The following LRP8 variants were observed in gnomAD, a reference collection of about 807,000 sequenced individuals.
LRP8 encodes low-density lipoprotein receptor-related protein 8.
A neutral mutation model predicts 111.6 loss-of-function variants in LRP8; 46 were observed. That is an observed-to-expected ratio of 0.41 (90% CI 0.33 to 0.53). The LOEUF (loss-of-function observed/expected upper bound fraction) is 0.53, where lower values mean the gene tolerates loss of function less well. Among genes scored for constraint, LRP8 ranks in the 20% least tolerant of loss-of-function variants. LRP8 has a pLI of 0.20. For synonymous variants in LRP8, 464 were observed against 511.2 expected, an observed-to-expected ratio of 0.91 and a Z score of 1.24; for missense variants, 959 against 1,297.4, an observed-to-expected ratio of 0.74 and a Z score of 4.01.
intron 12 of LRP8, 96 bp downstream of exon 12, chr1:53,261,972 T>G (rs1460959055): frequency 1.4e-6 from 2 of 1,418,706 alleles, no homozygotes; most frequent in Non-Finnish European, 1.9e-6. Flanking sequence ...GTTCCTGTTT[T>G]CATTTGAACA....
At position 53,327,835 on chromosome 1, in the gene LRP8, G is replaced by GAGCCGC. The variant is rs1553199822; in HGVS notation, c.77_78insGCGGCT (p.Leu26_Gln27insArgLeu). 55 of 1,511,370 alleles carry GAGCCGC rather than the reference G, an allele frequency of 3.6e-5. No homozygotes were observed. Among genetic ancestry groups the GAGCCGC allele is most frequent in the African/African-American group, 7.2e-5 (5 of 69,810 alleles). 93.6% of individuals were successfully genotyped at this position (1,511,370 alleles called of 1,614,324 possible). A position where few individuals can be genotyped will look rare whatever the true frequency, so the allele number is the denominator to read the frequency against. ...CAGCCGCTGCCGCCGCAAGATGCTGGAGCTGCAGCAGCAGCAGCAGCAGCA... is the reference window on the plus strand; with the variant it reads ...CAGCCGCTGCCGCCGCAAGATGCTGGAGCCGCAGCTGCAGCAGCAGCAGCAGCAGCA... On this transcript the variant is annotated inframe_insertion, in exon 1 of 19. Coordinates refer to ENST00000306052, the MANE Select transcript of LRP8 (RefSeq NM_004631.5).
chr1:53,265,123 C>T (rs920826017), intron 9 of LRP8, among the ~76,000 whole-genome samples: 11 of 152,070 alleles, frequency 7.2e-5, no homozygotes, highest in African/African-American at 2.2e-4. Flanking sequence ...GAAGAATGAC[C>T]GTGCCAGTGA....
intron 8 of LRP8, chr1:53,268,320 G>A (rs758308777): frequency 6.6e-6 from 1 of 152,138 alleles, no homozygotes; most frequent in Non-Finnish European, 1.5e-5. Context: ...TTTATGATTT[G>A]AGATTTTATG....
Position 53,276,832 on chromosome 1 carries a change from G to T in LRP8, c.743C>A (p.Pro248Gln), listed in dbSNP as rs1403860083. ...SDEAAELCGR[P>Q]GPGATSAPAA... ...GGGCGCGGACGTGGCCCCGGGGCCCGGACGGCCGCAGAGCTCGGCTGCCTC... is the reference window on the plus strand; with the variant it reads ...GGGCGCGGACGTGGCCCCGGGGCCCTGACGGCCGCAGAGCTCGGCTGCCTC... The change falls in exon 5 of 19, where the codon CCG (proline) becomes CAG (glutamine). Residue 248 changes from proline (P) to glutamine (Q), a missense_variant. Transcript: ENST00000306052. 3.1e-6 allele frequency: 4 copies of T among 1,274,078 alleles called. No homozygotes were observed. The highest frequency in any genetic ancestry group is 4.0e-6 in the Non-Finnish European group (4 of 1,007,966). 78.9% of individuals were successfully genotyped at this position (1,274,078 alleles called of 1,614,324 possible). A position where few individuals can be genotyped will look rare whatever the true frequency, so the allele number is the denominator to read the frequency against.
chr1:53,307,157 C>T (rs1652126893), intron 2 of LRP8, among the ~76,000 whole-genome samples: 1 of 152,202 alleles, frequency 6.6e-6, no homozygotes, highest in African/African-American at 2.4e-5. Flanking sequence ...ATGCCAAAAG[C>T]ATAGGTGCCA....
At chr1:53,316,969 G>A (rs1653891631) in intron 2 of LRP8, among the ~76,000 whole-genome samples, 2 of 152,140 alleles carry the variant, frequency 1.3e-5, no homozygotes, top group South Asian at 4.1e-4. Flanking sequence ...GGCAGACTTA[G>A]CGGGTATGGG....
At chr1:53,260,152 T>C (rs1040204928) in intron 13 of LRP8, among the ~76,000 whole-genome samples, 8 of 152,246 alleles carry the variant, frequency 5.3e-5, no homozygotes, top group Non-Finnish European at 1.5e-5. Context: ...TTCTGCCACC[T>C]GCTAACATTA....
rs147505706 is a variant in LRP8 at position 53,254,582 on chromosome 1, AC to A, written c.2503+534del. Among the ~76,000 whole-genome samples, 1,447 of 152,112 alleles carry A rather than the reference AC, an allele frequency of 9.5e-3. 11 individuals are homozygous for A. The highest frequency in any genetic ancestry group is 0.037 in the South Asian group (179 of 4,812). On this transcript the variant is annotated intron_variant, in intron 16 of 18. Coordinates refer to ENST00000306052, the MANE Select transcript of LRP8 (RefSeq NM_004631.5). The stretch of plus-strand genomic sequence containing the variant: ...GTGGGTCTCTCTAACAAGACTATAA[AC>A]TTTTGTAGGACAGAACCATGTCTTA...
In LRP8 at chr1:53,317,314, T is replaced by C. The variant is rs539198501; in HGVS notation, c.244+9559A>G. ...TCATCAGCTGCCAAGTCTCTGATGT[T>C]AGCCTGGACCCACTGGGGAACCAAG... On this transcript the variant is annotated intron_variant, in intron 2 of 18. Transcript: ENST00000306052. The surrounding 1 kb of genome is among the most constrained non-coding windows in gnomAD (Gnocchi z 4.9). Among the ~76,000 whole-genome samples the C allele has an allele frequency of 6.6e-5, 10 of 152,312 alleles. No individual in the cohort carries two copies. In the East Asian group the frequency reaches 1.7e-3, roughly 26 times the overall value.
intron 2 of LRP8, among the ~76,000 whole-genome samples, chr1:53,320,741 C>T (rs1486110487): frequency 6.6e-6 from 1 of 152,236 alleles, no homozygotes; most frequent in Non-Finnish European, 1.5e-5. Flanking sequence ...CCCAGTCCCA[C>T]TCCCCAGGTC....
intron 6 of LRP8, 31 bp from the exon 7 acceptor site, chr1:53,271,377 A>G: frequency 6.2e-7 from 1 of 1,613,558 alleles, no homozygotes; most frequent in East Asian, 2.2e-5. Context: ...CTGAAGGTCC[A>G]GGAGCCCAGG....
At chr1:53,327,444 T>C (rs896950149) in intron 1 of LRP8, 3 of 259,856 alleles carry the variant, frequency 1.2e-5, no homozygotes, top group Admixed American at 5.4e-5. Context: ...GCTCTGCTCA[T>C]TACCGCCGCG....
intron 2 of LRP8, among the ~76,000 whole-genome samples, chr1:53,311,266 G>A (rs1371899813): frequency 6.6e-6 from 1 of 152,154 alleles, no homozygotes; most frequent in Non-Finnish European, 1.5e-5. Flanking sequence ...GCAGCAGGGT[G>A]TGAGGAGCGG....
rs1557823395 is a variant in LRP8 at position 53,294,664 on chromosome 1, C to A, written c.245-4975G>T. 6.6e-6 allele frequency among the ~76,000 whole-genome samples: 1 copy of A among 152,226 alleles called. No homozygotes were observed. Among genetic ancestry groups the A allele is most frequent in the Non-Finnish European group, 1.5e-5 (1 of 68,032 alleles). Reference sequence around the variant, plus strand: ...GCCGTGTGTGTAACACTGGGCCCATCCGTCAAACCTTCTGAGCTTGCCTCC... The same window carrying A: ...GCCGTGTGTGTAACACTGGGCCCATACGTCAAACCTTCTGAGCTTGCCTCC... On this transcript the variant is annotated intron_variant, in intron 2 of 18. Coordinates refer to ENST00000306052, the MANE Select transcript of LRP8 (RefSeq NM_004631.5). The surrounding 1 kb of genome is among the most constrained non-coding windows in gnomAD (Gnocchi z 4.1).
chr1:53,280,058 C>T (rs1241607280), intron 4 of LRP8, among the ~76,000 whole-genome samples: 1 of 152,222 alleles, frequency 6.6e-6, no homozygotes, highest in East Asian at 1.9e-4. Context: ...TCTTCTCTGC[C>T]CTGTGACGTC....
rs1024603464 is a variant in LRP8, at chr1:53,246,042, G to T, written c.*976C>A. ...ACTTTAAAACAAGGAGTAGCTGAGG[G>T]TGAGGCATATCCTATCTTGAGTTTC... On this transcript the variant is annotated 3_prime_UTR_variant, in exon 19 of 19. Coordinates refer to ENST00000306052, the MANE Select transcript of LRP8 (RefSeq NM_004631.5). The T allele has an allele frequency of 6.6e-6, 1 of 152,216 alleles. No homozygotes were observed. The highest frequency in any genetic ancestry group is 2.4e-5 in the African/African-American group (1 of 41,434). The allele number at this position is 152,216 out of a possible 1,614,324, so 9.4% of individuals were successfully genotyped here. A position where few individuals can be genotyped will look rare whatever the true frequency, so the allele number is the denominator to read the frequency against.
In LRP8 at chr1:53,271,016, G is replaced by T. The variant is rs1314116984; in HGVS notation, c.1252+12C>A. 6.2e-7 allele frequency: 1 copy of T among 1,613,908 alleles called. No homozygotes were observed. ...TTTCAGAGCTGCCCCTCTGCCCTTG[G>T]GGTGTTCATACCAGCAGCCTTGCAG... On this transcript the variant is annotated intron_variant, in intron 8 of 18. Coordinates refer to ENST00000306052, the MANE Select transcript of LRP8 (RefSeq NM_004631.5).
intron 16 of LRP8, 94 bp downstream of exon 16, chr1:53,255,023 A>G: frequency 7.5e-7 from 1 of 1,340,084 alleles, no homozygotes; most frequent in Non-Finnish European, 1.1e-6. Flanking sequence ...GAACAAGTCA[A>G]TAGGGCAGGC....
In LRP8 at chr1:53,242,551, A is replaced by G. The variant is rs1270217682; in HGVS notation, c.*4467T>C. 6.6e-6 allele frequency: 1 copy of G among 152,186 alleles called. No homozygotes were observed. Among genetic ancestry groups the G allele is most frequent in the Admixed American group, 6.5e-5 (1 of 15,274 alleles). The allele number at this position is 152,186 out of a possible 1,614,324, so 9.4% of individuals were successfully genotyped here. On this transcript the variant is annotated 3_prime_UTR_variant, in exon 19 of 19. Transcript: ENST00000306052. ...GGCACCGCGTACAGAAGCTAACGGAACTTGAATGACAAGACAAAAAGAGCA... is the reference window on the plus strand; with the variant it reads ...GGCACCGCGTACAGAAGCTAACGGAGCTTGAATGACAAGACAAAAAGAGCA...
Sources: gnomAD v4.1 joint callset for allele counts (sites outside exome capture counted in the v4.1 genomes callset) on GRCh38, gnomAD v4.1.1 for gene constraint, Gnocchi (gnomAD v3.1) non-coding constraint, MANE v1.5 for transcripts, NCBI Gene and HGNC (gene_info 2026-07-23, HGNC 2026-07-21) for gene names.